Variants in CTNNA2 observed in about 807,000 individuals in gnomAD.
The protein encoded by CTNNA2 is catenin alpha-2.
In CTNNA2, 42 loss-of-function variants were observed where a neutral mutation model predicts 101.0. That is an observed-to-expected ratio of 0.42 (90% CI 0.32 to 0.54). The LOEUF is 0.54. Among genes scored for constraint, CTNNA2 ranks in the 20% least tolerant of loss-of-function variants. The pLI, the probability that CTNNA2 is intolerant of heterozygous loss-of-function variation, is 0.14. For synonymous variants in CTNNA2, 450 were observed against 456.4 expected (o/e 0.99, Z 0.18); for missense variants, 871 against 1,223.1 (o/e 0.71, Z 4.29).
intron 11 of CTNNA2, 65 bp downstream of exon 11, chr2:80,546,128 T>A: frequency 6.4e-7 from 1 of 1,573,004 alleles, no homozygotes; most frequent in Non-Finnish European, 8.6e-7. Flanking sequence ...AGATAAGGAA[T>A]GTCTCGCAAA....
At chr2:80,079,641 G>A (rs965223414) in intron 7 of CTNNA2, among the ~76,000 whole-genome samples, 16 of 151,734 alleles carry the variant, frequency 1.1e-4, no homozygotes, top group Admixed American at 6.6e-4. Flanking sequence ...GTGAAACCCC[G>A]TGTCTACTAA....
intron 7 of CTNNA2, among the ~76,000 whole-genome samples, chr2:80,308,576 G>T (rs1677248699): frequency 6.6e-6 from 1 of 152,080 alleles, no homozygotes; most frequent in African/African-American, 2.4e-5. Context: ...GAGGCTGAGG[G>T]TGGGGGCCCC....
chr2:80,419,928 A>C (rs956059542), intron 9 of CTNNA2, among the ~76,000 whole-genome samples: 5 of 150,974 alleles, frequency 3.3e-5, no homozygotes, highest in South Asian at 2.1e-4. Flanking sequence ...GGAGTAAATT[A>C]AAATTTCTGA....
intron 4 of CTNNA2, among the ~76,000 whole-genome samples, chr2:79,470,943 A>G (rs1300327712): frequency 6.6e-6 from 1 of 152,176 alleles, no homozygotes; most frequent in Non-Finnish European, 1.5e-5. Context: ...AAATACAACC[A>G]TATATTTTCA....
At chr2:80,043,163 TTCCTTCCTTCCTTCCTTC>T (rs1696279950) in intron 7 of CTNNA2, among the ~76,000 whole-genome samples, 1 of 110,292 alleles carries the variant, frequency 9.1e-6, no homozygotes, top group African/African-American at 3.8e-5. Context: ...CCTTCCTTCC[TTCCTTCCTTCCTTCCTTC>T]CTTTCTTTCT....
intron 2 of CTNNA2, among the ~76,000 whole-genome samples, chr2:79,307,589 G>A (rs544799958): frequency 1.3e-5 from 2 of 152,226 alleles, no homozygotes; most frequent in East Asian, 3.9e-4. Context: ...ATTCTATTGT[G>A]TATATATATC....
intron 4 of CTNNA2, among the ~76,000 whole-genome samples, chr2:79,495,645 C>T (rs181583561): frequency 1.3e-5 from 2 of 152,130 alleles, no homozygotes; most frequent in Admixed American, 6.5e-5. Context: ...ATAACACATT[C>T]GATACACAGG....
chr2:79,845,288 A>G (rs947870247), intron 3 of CTNNA2, among the ~76,000 whole-genome samples: 1 of 151,472 alleles, frequency 6.6e-6, no homozygotes, highest in Admixed American at 6.6e-5. Flanking sequence ...GCTGGAAGTA[A>G]GTAGGGCAGA....
At chr2:80,622,657 T>A (rs1205367965) in intron 18 of CTNNA2, among the ~76,000 whole-genome samples, 1 of 151,904 alleles carries the variant, frequency 6.6e-6, no homozygotes, top group Non-Finnish European at 1.5e-5. Flanking sequence ...GAAGAACACT[T>A]AATTTGAAAG....
chr2:80,212,847 A>C (rs373009198), intron 7 of CTNNA2, among the ~76,000 whole-genome samples: 7 of 151,956 alleles, frequency 4.6e-5, no homozygotes, highest in African/African-American at 1.2e-4. Context: ...TGGTCCTGGA[A>C]TTTTTTTGGT....
intron 9 of CTNNA2, among the ~76,000 whole-genome samples, chr2:80,539,225 G>C (rs1691314077): frequency 6.6e-6 from 1 of 151,694 alleles, no homozygotes; most frequent in Admixed American, 6.6e-5. Context: ...TTATTAAAGA[G>C]TTACAGGATA....
chr2:79,430,822 G>A (rs904898157), intron 4 of CTNNA2, among the ~76,000 whole-genome samples: 2 of 152,022 alleles, frequency 1.3e-5, no homozygotes, highest in African/African-American at 2.4e-5. Context: ...AAAGACTGGT[G>A]TGTTCCAGGC....
chr2:79,850,750 G>A (rs1680640002), intron 3 of CTNNA2, among the ~76,000 whole-genome samples: 1 of 152,154 alleles, frequency 6.6e-6, no homozygotes, highest in African/African-American at 2.4e-5. Flanking sequence ...GGGTGACAAT[G>A]AGAACACTTC....
intron 1 of CTNNA2, among the ~76,000 whole-genome samples, chr2:79,559,853 T>G (rs1365652240): frequency 1.3e-5 from 2 of 151,794 alleles, no homozygotes; most frequent in South Asian, 2.1e-4. Flanking sequence ...AAACTACCAT[T>G]TATGTGCCAG....
intron 3 of CTNNA2, among the ~76,000 whole-genome samples, chr2:79,353,491 C>A (rs1321187979): frequency 6.6e-6 from 1 of 152,114 alleles, no homozygotes; most frequent in African/African-American, 2.4e-5. Context: ...ATAGCAACAA[C>A]CCCTCTTTTT....
At chr2:79,582,205 T>G (rs192178015) in intron 1 of CTNNA2, among the ~76,000 whole-genome samples, 11 of 152,352 alleles carry the variant, frequency 7.2e-5, no homozygotes, top group Admixed American at 4.6e-4. Flanking sequence ...ATCATTGTCA[T>G]AAGAATTAAA....
At chr2:79,911,039 T>C (rs1316584707) in intron 7 of CTNNA2, among the ~76,000 whole-genome samples, 1 of 152,220 alleles carries the variant, frequency 6.6e-6, no homozygotes, top group Admixed American at 6.5e-5. Context: ...GAATAAAATG[T>C]GGATGCATCA....
Position 80,126,609 on chromosome 2 carries a change from TCCC to T in CTNNA2, c.1056+216813_1056+216815del, listed in dbSNP as rs1275928769. Reference sequence around the variant, plus strand: ...TTCCCTCCCTCCCTCCCTCCCTCCCTCCCTCCCTCCCTCCCTCCCTCCCTCCCT... The same window carrying T: ...TTCCCTCCCTCCCTCCCTCCCTCCCTTCCCTCCCTCCCTCCCTCCCTCCCT... On this transcript the variant is annotated intron_variant, in intron 7 of 18. Coordinates refer to ENST00000402739, the MANE Select transcript of CTNNA2 (RefSeq NM_001282597.3). Among the ~76,000 whole-genome samples, 25 of 25,870 alleles carry T rather than the reference TCCC, an allele frequency of 9.7e-4. No individual in the cohort carries two copies. In the East Asian group the frequency reaches 0.017, roughly 18 times the overall value. The allele number at this position is 25,870 out of a possible 152,430, so 17.0% of individuals were successfully genotyped here. A position where few individuals can be genotyped will look rare whatever the true frequency, so the allele number is the denominator to read the frequency against.
chr2:80,627,678 GTTTC>G (rs1558657749), intron 18 of CTNNA2, among the ~76,000 whole-genome samples: 1 of 152,052 alleles, frequency 6.6e-6, no homozygotes, highest in Admixed American at 6.6e-5. Context: ...TCTGATGATA[GTTTC>G]CTTTGCTGTG....
Sources: allele counts gnomAD v4.1 joint callset (sites outside exome capture counted in the v4.1 genomes callset), GRCh38; gene constraint gnomAD v4.1.1; transcripts MANE v1.5; gene names NCBI Gene and HGNC (gene_info 2026-07-23, HGNC 2026-07-21).